SGSM1: variants seen among roughly 807,000 people sequenced by gnomAD.
The protein encoded by SGSM1 is small G protein signaling modulator 1.
In SGSM1, 73 loss-of-function variants were observed where a neutral mutation model predicts 133.8. That is an observed-to-expected ratio of 0.55 (90% CI 0.45 to 0.66). The LOEUF (loss-of-function observed/expected upper bound fraction) is 0.66, where lower values mean the gene tolerates loss of function less well. Ranked by LOEUF, SGSM1 falls within the 30% of genes least tolerant of loss-of-function variation. The probability of loss-of-function intolerance (pLI) is 0.00; values close to 1 mark genes in which losing one functional copy is unlikely to be tolerated. For synonymous variants in SGSM1, 563 were observed against 573.0 expected (o/e 0.98, Z 0.25); for missense variants, 1,213 against 1,448.1 (o/e 0.84, Z 2.64).
intron 16 of SGSM1, among the ~76,000 whole-genome samples, chr22:24,887,504 T>C (rs1221075020): frequency 6.6e-6 from 1 of 152,124 alleles, no homozygotes; most frequent in Non-Finnish European, 1.5e-5. Context: ...GCTGAGTTGT[T>C]TCTGGTTTTT....
rs180851853 is a variant in SGSM1, at chr22:24,834,856, G to A, written c.64-10041G>A. Among the ~76,000 whole-genome samples, 152 of 151,738 alleles carry A rather than the reference G, an allele frequency of 1.0e-3. 1 individual carries two copies. Among genetic ancestry groups the A allele is most frequent in the Non-Finnish European group, 1.8e-3 (123 of 67,948 alleles). On this transcript the variant is annotated intron_variant, in intron 2 of 24. Coordinates refer to ENST00000400358, the MANE Select transcript of SGSM1 (RefSeq NM_001098497.3). Reference sequence around the variant, plus strand: ...GTCTTAGATGTCAGGCCTGGCCCTGGATCTTCCTGGTTATGCTGATTTAGA... The same window carrying A: ...GTCTTAGATGTCAGGCCTGGCCCTGAATCTTCCTGGTTATGCTGATTTAGA...
rs1158221993 is a variant in SGSM1 at position 24,926,629 on chromosome 22, T to C, written c.*2355T>C. ...GTGATGTTCCAGAGAGCATCTGTGG[T>C]TGTGATTTGGAATAAGTCATATTTA... On this transcript the variant is annotated 3_prime_UTR_variant, in exon 25 of 25. Transcript: ENST00000400358. 1.3e-5 allele frequency: 2 copies of C among 152,204 alleles called. No homozygotes were observed. The highest frequency in any genetic ancestry group is 6.5e-5 in the Admixed American group (1 of 15,276). 9.4% of individuals were successfully genotyped at this position (152,204 alleles called of 1,614,324 possible).
chr22:24,821,837 G>A lies in SGSM1; in HGVS notation c.63+15353G>A, dbSNP rs559102839. Among the ~76,000 whole-genome samples the A allele has an allele frequency of 9.2e-5, 14 of 152,136 alleles. No individual in the cohort carries two copies. The South Asian group carries it at 1.7e-3, about 18-fold the overall frequency. On this transcript the variant is annotated intron_variant, in intron 2 of 24. Coordinates refer to ENST00000400358, the MANE Select transcript of SGSM1 (RefSeq NM_001098497.3). ...GTGCAGAGATTTCCCTCATATCCTC[G>A]ACCCTGCCACATGTGCAGCCTACCC...
intron 19 of SGSM1, 103 bp from the exon 20 acceptor site, chr22:24,901,730 C>A: frequency 7.7e-7 from 1 of 1,293,206 alleles, no homozygotes; most frequent in Non-Finnish European, 1.0e-6. Context: ...TCAGTGACAA[C>A]AGGAGAGGGT....
chr22:24,856,014 T>TATCCATCC (rs3062177), intron 8 of SGSM1: 14 of 462,488 alleles, frequency 3.0e-5, no homozygotes, highest in African/African-American at 1.6e-4. Flanking sequence ...TCTTTACATC[T>TATCCATCC]ATCCATCCAT....
Position 24,890,112 on chromosome 22 carries a change from A to G in SGSM1, c.1771-3319A>G, listed in dbSNP as rs560784657. Among the ~76,000 whole-genome samples, 15 of 151,870 alleles carry G rather than the reference A, an allele frequency of 9.9e-5. No homozygotes were observed. The South Asian group carries it at 2.7e-3, about 27-fold the overall frequency. On this transcript the variant is annotated intron_variant, in intron 16 of 24. Coordinates refer to ENST00000400358, the MANE Select transcript of SGSM1 (RefSeq NM_001098497.3). The stretch of plus-strand genomic sequence containing the variant: ...GCTGGGACTGCAGGCGCCTGCCACC[A>G]CGCCTGGCTAATTTTTTGTATTTTT...
At chr22:24,902,190 C>T (rs1933191187) in intron 20 of SGSM1, among the ~76,000 whole-genome samples, 1 of 152,206 alleles carries the variant, frequency 6.6e-6, no homozygotes, top group Non-Finnish European at 1.5e-5. Flanking sequence ...CTCACTTATT[C>T]CTCAACCCGA....
intron 2 of SGSM1, among the ~76,000 whole-genome samples, chr22:24,820,859 C>T (rs4822547): frequency 0.056 from 8,472 of 152,228 alleles, 461 homozygotes; most frequent in Admixed American, 0.15. Context: ...GGATAATGAC[C>T]GTGCAAACAG....
chr22:24,815,346 C>T (rs184366858), intron 2 of SGSM1, among the ~76,000 whole-genome samples: 15 of 152,108 alleles, frequency 9.9e-5, no homozygotes, highest in Admixed American at 7.2e-4. Context: ...AGTTGAGTCC[C>T]GCAGCCGAAG....
chr22:24,824,662 C>G (rs760582294), intron 2 of SGSM1, among the ~76,000 whole-genome samples: 2 of 152,122 alleles, frequency 1.3e-5, no homozygotes, highest in Admixed American at 6.6e-5. Context: ...GGGGCAGTCA[C>G]GGGCGATTTT....
intron 2 of SGSM1, among the ~76,000 whole-genome samples, chr22:24,841,104 C>T (rs892005939): frequency 6.6e-6 from 1 of 152,184 alleles, no homozygotes; most frequent in Admixed American, 6.5e-5. Context: ...CCCGCCTTGG[C>T]CTCCCAAAGT....
rs76176595 is a variant in SGSM1 at position 24,893,192 on chromosome 22, A to G, written c.1771-239A>G. ...CTCAATGAATAGTTGAAATTTATAT[A>G]TGTATGCATGAATGAATAAAGGAAG... On this transcript the variant is annotated intron_variant, in intron 16 of 24. Coordinates refer to ENST00000400358, the MANE Select transcript of SGSM1 (RefSeq NM_001098497.3). 8.2e-3 allele frequency among the ~76,000 whole-genome samples: 1,245 copies of G among 152,334 alleles called. 11 individuals are homozygous for G. Among genetic ancestry groups the G allele is most frequent in the African/African-American group, 0.028 (1,159 of 41,582 alleles).
intron 2 of SGSM1, among the ~76,000 whole-genome samples, chr22:24,818,013 C>T (rs536155951): frequency 9.7e-5 from 14 of 144,448 alleles, no homozygotes; most frequent in East Asian, 2.2e-4. Context: ...GGGTGGATCA[C>T]CTGAGGTCAG....
Position 24,859,754 on chromosome 22 carries a change from G to C in SGSM1, c.840G>C (p.Leu280=), listed in dbSNP as rs747331629. 1 of 1,613,918 alleles carries C rather than the reference G, an allele frequency of 6.2e-7. No individual in the cohort carries two copies. Among genetic ancestry groups the C allele is most frequent in the Non-Finnish European group, 8.5e-7 (1 of 1,179,870 alleles). Residue 280 remains leucine, a synonymous_variant, in exon 9 of 25, where the codon CTG becomes CTC. Coordinates refer to ENST00000400358, the MANE Select transcript of SGSM1 (RefSeq NM_001098497.3). ...AGGCTGTGCCAGGGTACCTGTCCCTGCACCAGACGGCTGACGTCATGACCT... is the reference window on the plus strand; with the variant it reads ...AGGCTGTGCCAGGGTACCTGTCCCTCCACCAGACGGCTGACGTCATGACCT... ...DMEAVPGYLS[L]HQTADVMTLK...
chr22:24,876,650 C>T lies in SGSM1; in HGVS notation c.1365C>T (p.Ser455=). 1 of 1,614,048 alleles carries T rather than the reference C, an allele frequency of 6.2e-7. No homozygotes were observed. The highest frequency in any genetic ancestry group is 8.5e-7 in the Non-Finnish European group (1 of 1,179,898). Residue 455 remains serine, a synonymous_variant, in exon 13 of 25, where the codon TCC becomes TCT. Coordinates refer to ENST00000400358, the MANE Select transcript of SGSM1 (RefSeq NM_001098497.3). ...SLWQPSPRKS[S]CSSCSQSGSA... is the part of the protein sequence containing the mutation. ...GGCAGCCCAGTCCCCGGAAGTCCTC[C>T]TGTTCATCCTGTTCACAGAGTGGCT...
At chr22:24,819,369 G>A (rs950961840) in intron 2 of SGSM1, among the ~76,000 whole-genome samples, 1 of 152,200 alleles carries the variant, frequency 6.6e-6, no homozygotes, top group African/African-American at 2.4e-5. Context: ...TGATGATAAC[G>A]TGGGACAGCA....
At chr22:24,894,367 C>T (rs1438697903) in intron 17 of SGSM1, among the ~76,000 whole-genome samples, 4 of 152,206 alleles carry the variant, frequency 2.6e-5, no homozygotes, top group African/African-American at 9.6e-5. Context: ...CACTCCAGCA[C>T]GGGCAACGAG....
At chr22:24,838,447 T>C (rs114340296) in intron 2 of SGSM1, among the ~76,000 whole-genome samples, 3,667 of 152,286 alleles carry the variant, frequency 0.024, 168 homozygotes, top group African/African-American at 0.084. Context: ...GGTGAATGAG[T>C]GGGTTCCCTT....
chr22:24,814,278 A>G (rs1387863224), intron 2 of SGSM1: 1 of 135,698 alleles, frequency 7.4e-6, no homozygotes, highest in African/African-American at 2.7e-5. Context: ...AAAAAACAAA[A>G]CAAAACAAAA....
Sources: allele counts gnomAD v4.1 joint callset (sites outside exome capture counted in the v4.1 genomes callset), GRCh38; gene constraint gnomAD v4.1.1; transcripts MANE v1.5; gene names NCBI Gene and HGNC (gene_info 2026-07-23, HGNC 2026-07-21).